MICAL3: variants seen among roughly 807,000 people sequenced by gnomAD.
MICAL3 encodes [F-actin]-monooxygenase MICAL3.
Under a neutral mutation model 207.4 loss-of-function variants are expected in MICAL3, and 62 were observed. The observed-to-expected ratio is 0.30, with a 90% CI of 0.24 to 0.37. The LOEUF is 0.37. Ranked by LOEUF, MICAL3 falls within the 10% of genes least tolerant of loss-of-function variation. The probability of loss-of-function intolerance (pLI) is 1.00; values close to 1 mark genes in which losing one functional copy is unlikely to be tolerated. For missense variants in MICAL3, 2,368 were observed against 2,635.6 expected, an observed-to-expected ratio of 0.90 and a Z score of 2.22; for synonymous variants, 1,077 against 1,069.3, an observed-to-expected ratio of 1.01 and a Z score of -0.14.
Position 18,020,379 on chromosome 22 carries a change from A to G in MICAL3, c.-75+3902T>C, listed in dbSNP as rs1227776262. ...AAATTCTGACTGTCCAAACGAGTGCACTTCCATTTTCAAATTTTAAGCAAT... is the reference window on the plus strand; with the variant it reads ...AAATTCTGACTGTCCAAACGAGTGCGCTTCCATTTTCAAATTTTAAGCAAT... On this transcript the variant is annotated intron_variant, in intron 1 of 31. Coordinates refer to ENST00000441493, the MANE Select transcript of MICAL3 (RefSeq NM_015241.3). 2.6e-5 allele frequency among the ~76,000 whole-genome samples: 4 copies of G among 151,268 alleles called. No individual in the cohort carries two copies. The East Asian group carries it at 7.8e-4, about 29-fold the overall frequency.
chr22:17,827,804 T>C, intron 21 of MICAL3, 23 bp from the exon 22 acceptor site: 1 of 1,528,386 alleles, frequency 6.5e-7, no homozygotes, highest in Non-Finnish European at 8.8e-7. Flanking sequence ...GGTCAAGGGG[T>C]GGAGAAATGA....
At chr22:17,920,721 G>A (rs1249616411) in intron 1 of MICAL3, among the ~76,000 whole-genome samples, 2 of 152,092 alleles carry the variant, frequency 1.3e-5, no homozygotes, top group African/African-American at 4.8e-5. Context: ...CTCCCACCAA[G>A]GAAGTCTACC....
At chr22:17,876,815 G>GGTTAGGGAGGTTATGGAGGTTATGGCA (rs1928489047) in intron 16 of MICAL3, 5 of 93,442 alleles carry the variant, frequency 5.4e-5, no homozygotes, top group South Asian at 3.1e-4. Flanking sequence ...AGGTTAGGGA[G>GGTTAGGGAGGTTATGGAGGTTATGGCA]GTTAGGGAGG....
At chr22:17,800,188 T>C (rs1372013262) in intron 29 of MICAL3, among the ~76,000 whole-genome samples, 2 of 152,218 alleles carry the variant, frequency 1.3e-5, no homozygotes, top group Non-Finnish European at 2.9e-5. Flanking sequence ...TCCTTCATGT[T>C]ACATTTCTAA....
At chr22:17,814,071 G>A (rs1490811984) in intron 27 of MICAL3, 2 of 152,216 alleles carry the variant, frequency 1.3e-5, no homozygotes, top group African/African-American at 4.8e-5. Flanking sequence ...TTTCACAGAT[G>A]CTGTGAGGCG....
In MICAL3 at chr22:17,818,662, C is replaced by G; in HGVS notation, c.3999G>C (p.Glu1333Asp). Reference sequence around the variant, plus strand: ...GTGTGAGCCCGAGGCTGCGGCGGATCTCCGCACTCTTCATCCAGAACTCCT... The same window carrying G: ...GTGTGAGCCCGAGGCTGCGGCGGATGTCCGCACTCTTCATCCAGAACTCCT... ...LVEEFWMKSAEIRRSLGLTPV... is the reference protein window; with the variant it reads ...LVEEFWMKSADIRRSLGLTPV... The change falls in exon 26 of 32, where the codon GAG becomes GAC. Residue 1333 changes from glutamate to aspartate, a missense_variant. Physicochemically the swap from Glu to Asp is conservative, Grantham distance 45. Around this residue, in one of 4 missense-constraint regions of MICAL3, gnomAD observed 1,770 missense variants for 1,863.2 expected, o/e 0.95. Coordinates refer to ENST00000441493, the MANE Select transcript of MICAL3 (RefSeq NM_015241.3). 6.2e-7 allele frequency: 1 copy of G among 1,613,712 alleles called. No individual in the cohort carries two copies. The highest frequency in any genetic ancestry group is 8.5e-7 in the Non-Finnish European group (1 of 1,179,894).
chr22:17,862,369 C>G (rs1366248775), intron 19 of MICAL3: 9 of 594,418 alleles, frequency 1.5e-5, no homozygotes, highest in African/African-American at 4.0e-5. Context: ...ATTCTCCTGC[C>G]TCAGCCTCCC....
chr22:17,977,735 T>A (rs1055171905), intron 1 of MICAL3, among the ~76,000 whole-genome samples: 12 of 152,024 alleles, frequency 7.9e-5, no homozygotes, highest in Admixed American at 4.6e-4. Context: ...AATAAAAATA[T>A]ACACCTGGCC....
chr22:18,011,269 G>A (rs555621205), intron 1 of MICAL3, among the ~76,000 whole-genome samples: 1 of 152,340 alleles, frequency 6.6e-6, no homozygotes, highest in East Asian at 1.9e-4. Context: ...AAGCTGGCTG[G>A]GCGCAGTGGC....
At chr22:18,021,051 G>C (rs1051567362) in intron 1 of MICAL3, among the ~76,000 whole-genome samples, 1 of 152,166 alleles carries the variant, frequency 6.6e-6, no homozygotes, top group African/African-American at 2.4e-5. Flanking sequence ...ATTTATTAAA[G>C]CCACACAATG....
intron 1 of MICAL3, among the ~76,000 whole-genome samples, chr22:17,960,632 G>C (rs1934865161): frequency 6.6e-6 from 1 of 152,156 alleles, no homozygotes; most frequent in African/African-American, 2.4e-5. Flanking sequence ...TCCGGGAACA[G>C]ATCCTGTGGG....
chr22:17,858,460 G>A (rs1269804502), intron 19 of MICAL3: 8 of 985,206 alleles, frequency 8.1e-6, no homozygotes, highest in East Asian at 1.1e-4. Flanking sequence ...GCTGGAATTC[G>A]GAAAGACTTC....
intron 25 of MICAL3, among the ~76,000 whole-genome samples, chr22:17,819,969 A>AAT (rs1921380287): frequency 7.1e-6 from 1 of 140,104 alleles, no homozygotes; most frequent in Non-Finnish European, 1.6e-5. Context: ...AAAAAAAAAA[A>AAT]ATCCAATCAG....
At chr22:17,943,775 C>T (rs1469041909) in intron 1 of MICAL3, among the ~76,000 whole-genome samples, 1 of 152,220 alleles carries the variant, frequency 6.6e-6, no homozygotes, top group Non-Finnish European at 1.5e-5. Context: ...TATGCCATGA[C>T]ATCATCAGCC....
intron 1 of MICAL3, among the ~76,000 whole-genome samples, chr22:17,982,165 CACT>C (rs1177221966): frequency 6.6e-6 from 1 of 152,092 alleles, no homozygotes; most frequent in African/African-American, 2.4e-5. Flanking sequence ...GGCCACGGCT[CACT>C]ACTGAATTCC....
intron 1 of MICAL3, among the ~76,000 whole-genome samples, chr22:17,982,716 A>ATAACATAACAT (rs11393673): frequency 1.1e-5 from 1 of 90,494 alleles, no homozygotes. Flanking sequence ...ATAACATAAC[A>ATAACATAACAT]AACATAACAT....
chr22:17,879,608 C>CA (rs1218144792), intron 16 of MICAL3, among the ~76,000 whole-genome samples: 1 of 152,190 alleles, frequency 6.6e-6, no homozygotes, highest in African/African-American at 2.4e-5. Context: ...TTCCACCCCC[C>CA]ACTGGCCTCC....
intron 17 of MICAL3, among the ~76,000 whole-genome samples, chr22:17,866,728 T>C (rs1383094866): frequency 2.6e-5 from 4 of 152,100 alleles, no homozygotes; most frequent in Non-Finnish European, 5.9e-5. Flanking sequence ...TAAAACGTTA[T>C]TTCTTGGAAC....
At chr22:17,868,115 T>A (rs144363595) in intron 17 of MICAL3, among the ~76,000 whole-genome samples, 93 of 152,332 alleles carry the variant, frequency 6.1e-4, no homozygotes, top group African/African-American at 2.0e-3. Context: ...GAGCGCTAAG[T>A]GTGATCTCCG....
Sources: allele counts gnomAD v4.1 joint callset (sites outside exome capture counted in the v4.1 genomes callset), GRCh38; gene constraint gnomAD v4.1.1; regional missense constraint gnomAD v4.1.1; transcripts MANE v1.5; gene names NCBI Gene and HGNC (gene_info 2026-07-23, HGNC 2026-07-21).